CNTNAP2: variants seen among roughly 807,000 people sequenced by gnomAD.
The protein encoded by CNTNAP2 is contactin associated protein 2, also known as contactin-associated protein-like 2.
CNTNAP2 carries 98 observed loss-of-function variants against 155.2 expected under a neutral mutation model. The observed-to-expected ratio is 0.63, with a 90% CI of 0.54 to 0.75. The LOEUF (loss-of-function observed/expected upper bound fraction) is 0.75. CNTNAP2 is among the 30% of genes least tolerant of loss of function. The pLI, the probability that CNTNAP2 is intolerant of heterozygous loss-of-function variation, is 0.00. For missense variants in CNTNAP2, 1,727 were observed against 1,688.1 expected, an observed-to-expected ratio of 1.02 and a Z score of -0.40; for synonymous variants, 651 against 631.2, an observed-to-expected ratio of 1.03 and a Z score of -0.47.
At chr7:147,580,360 A>G (rs1287633899) in intron 12 of CNTNAP2, among the ~76,000 whole-genome samples, 1 of 152,158 alleles carries the variant, frequency 6.6e-6, no homozygotes, top group Non-Finnish European at 1.5e-5. Context: ...GTTTCAGGTA[A>G]TGGCTATTAC....
intron 4 of CNTNAP2, among the ~76,000 whole-genome samples, chr7:147,087,638 A>T (rs1313409794): frequency 6.6e-6 from 1 of 152,154 alleles, no homozygotes; most frequent in Non-Finnish European, 1.5e-5. Context: ...TTCCACCCAA[A>T]GTGGGGGAGC....
chr7:146,544,625 G>T (rs1440807493), intron 1 of CNTNAP2, among the ~76,000 whole-genome samples: 1 of 151,938 alleles, frequency 6.6e-6, no homozygotes, highest in Non-Finnish European at 1.5e-5. Context: ...GATCTCAGTT[G>T]ATTAGGCTTT....
chr7:146,677,056 G>A (rs1169024931), intron 1 of CNTNAP2, among the ~76,000 whole-genome samples: 2 of 152,172 alleles, frequency 1.3e-5, no homozygotes, highest in Non-Finnish European at 2.9e-5. Flanking sequence ...ATGTGCCCAA[G>A]GTGGTTGGGC....
chr7:146,736,699 G>T (rs1483266006), intron 1 of CNTNAP2, among the ~76,000 whole-genome samples: 1 of 152,040 alleles, frequency 6.6e-6, no homozygotes, highest in African/African-American at 2.4e-5. Context: ...CATGGTTGCG[G>T]GTCTACGGAT....
At chr7:148,334,275 G>T (rs1798080220) in intron 21 of CNTNAP2, among the ~76,000 whole-genome samples, 1 of 152,162 alleles carries the variant, frequency 6.6e-6, no homozygotes, top group African/African-American at 2.4e-5. Context: ...CTCTTGGGAA[G>T]GAATTCACTC....
chr7:147,731,630 A>T (rs1796741069), intron 13 of CNTNAP2, among the ~76,000 whole-genome samples: 1 of 152,150 alleles, frequency 6.6e-6, no homozygotes, highest in Admixed American at 6.5e-5. Flanking sequence ...GAAGCCTGTG[A>T]ATCAAGGAGT....
At chr7:148,361,501 T>C (rs548504090) in intron 21 of CNTNAP2, among the ~76,000 whole-genome samples, 1 of 152,272 alleles carries the variant, frequency 6.6e-6, no homozygotes, top group African/African-American at 2.4e-5. Context: ...GGGGAACTGT[T>C]CTTCTCTTCC....
rs140750474 is a variant in CNTNAP2, at chr7:148,160,762, T to G, written c.2774-11480T>G. Among the ~76,000 whole-genome samples, 211 of 152,262 alleles carry G rather than the reference T, an allele frequency of 1.4e-3. 1 individual carries two copies. The highest frequency in any genetic ancestry group is 4.5e-3 in the African/African-American group (188 of 41,554). On this transcript the variant is annotated intron_variant, in intron 17 of 23. Coordinates refer to ENST00000361727, the MANE Select transcript of CNTNAP2 (RefSeq NM_014141.6). ...GTTGTTTTTTGGTTTTGGTGGTGGTTGTTGTTGTTTTTCTTACCTACCCTG... is the reference window on the plus strand; with the variant it reads ...GTTGTTTTTTGGTTTTGGTGGTGGTGGTTGTTGTTTTTCTTACCTACCCTG...
chr7:147,439,627 T>G (rs1434308826), intron 10 of CNTNAP2, among the ~76,000 whole-genome samples: 3 of 152,006 alleles, frequency 2.0e-5, no homozygotes, highest in Non-Finnish European at 2.9e-5. Context: ...AAGTCTGATG[T>G]TCCTTTGTTG....
intron 1 of CNTNAP2, among the ~76,000 whole-genome samples, chr7:146,686,516 C>A (rs904725996): frequency 6.6e-6 from 1 of 152,128 alleles, no homozygotes; most frequent in African/African-American, 2.4e-5. Flanking sequence ...GACTTATGTA[C>A]TCCTCTCCTA....
chr7:146,387,999 T>C (rs550218842), intron 1 of CNTNAP2, among the ~76,000 whole-genome samples: 1 of 148,050 alleles, frequency 6.8e-6, no homozygotes, highest in African/African-American at 2.7e-5. Flanking sequence ...ATATCATGTG[T>C]GTGCATGAGT....
chr7:147,159,892 A>G (rs117478163), intron 8 of CNTNAP2, among the ~76,000 whole-genome samples: 1 of 152,116 alleles, frequency 6.6e-6, no homozygotes, highest in Admixed American at 6.6e-5. Flanking sequence ...TGGTATATCT[A>G]TTACTTCTCT....
At chr7:148,325,218 T>C (rs933943370) in intron 21 of CNTNAP2, among the ~76,000 whole-genome samples, 1 of 152,222 alleles carries the variant, frequency 6.6e-6, no homozygotes, top group African/African-American at 2.4e-5. Context: ...TAAATACAAA[T>C]TTAAGCATCT....
chr7:147,280,384 A>C (rs927177742), intron 8 of CNTNAP2, among the ~76,000 whole-genome samples: 1 of 151,920 alleles, frequency 6.6e-6, no homozygotes, highest in African/African-American at 2.4e-5. Flanking sequence ...CGTCTCTTAC[A>C]GGGACGAAAA....
chr7:146,546,673 T>C (rs1798033874), intron 1 of CNTNAP2, among the ~76,000 whole-genome samples: 2 of 151,954 alleles, frequency 1.3e-5, no homozygotes, highest in South Asian at 4.2e-4. Context: ...AGAGATGTAA[T>C]GGACTCACAG....
chr7:147,775,096 A>G (rs940006228), intron 13 of CNTNAP2, among the ~76,000 whole-genome samples: 2 of 150,446 alleles, frequency 1.3e-5, no homozygotes, highest in East Asian at 2.0e-4. Flanking sequence ...GCATTTTGCT[A>G]TTAAAAGTTA....
chr7:147,631,708 C>G (rs748551857), intron 12 of CNTNAP2, among the ~76,000 whole-genome samples: 1 of 152,024 alleles, frequency 6.6e-6, no homozygotes, highest in Non-Finnish European at 1.5e-5. Context: ...TTCAACAAAG[C>G]AAACAAAAAC....
At chr7:146,968,073 G>GT (rs1563024591) in intron 3 of CNTNAP2, among the ~76,000 whole-genome samples, 1 of 150,074 alleles carries the variant, frequency 6.7e-6, no homozygotes, top group African/African-American at 2.4e-5. Flanking sequence ...ATAATCATGT[G>GT]TTTTTTGTCT....
chr7:147,565,249 GA>G (rs977687281), intron 12 of CNTNAP2, among the ~76,000 whole-genome samples: 4 of 152,100 alleles, frequency 2.6e-5, no homozygotes, highest in African/African-American at 9.7e-5. Flanking sequence ...CCAAAGAACT[GA>G]AATCCCAGTG....
Sources: gnomAD v4.1 joint callset for allele counts (sites outside exome capture counted in the v4.1 genomes callset) on GRCh38, gnomAD v4.1.1 for gene constraint, MANE v1.5 for transcripts, NCBI Gene and HGNC (gene_info 2026-07-23, HGNC 2026-07-21) for gene names.